The following FSTL5 variants were observed in gnomAD, a reference collection of about 807,000 sequenced individuals.
FSTL5 encodes the protein follistatin like 5, also known as follistatin-related protein 5.
FSTL5 carries 62 observed loss-of-function variants against 89.1 expected under a neutral mutation model. The observed-to-expected ratio is 0.70, with a 90% confidence interval of 0.57 to 0.86. The LOEUF (loss-of-function observed/expected upper bound fraction) is 0.86. FSTL5 is among the 40% of genes least tolerant of loss of function. The pLI is 0.00. For missense variants in FSTL5, 1,057 were observed against 1,001.6 expected (o/e 1.06, Z -0.75); for synonymous variants, 383 against 346.2 (o/e 1.11, Z -1.18).
At chr4:161,998,359 G>A (rs952486869) in intron 3 of FSTL5, among the ~76,000 whole-genome samples, 1 of 152,000 alleles carries the variant, frequency 6.6e-6, no homozygotes, top group African/African-American at 2.4e-5. Flanking sequence ...AAAAAAGATA[G>A]TACCCCTATC....
At chr4:161,843,270 A>C (rs1731267062) in intron 4 of FSTL5, among the ~76,000 whole-genome samples, 2 of 152,122 alleles carry the variant, frequency 1.3e-5, no homozygotes, top group Admixed American at 1.3e-4. Context: ...TTCCATATGA[A>C]ATTTAAAGTA....
chr4:161,512,215 C>T (rs4466004), intron 10 of FSTL5, among the ~76,000 whole-genome samples: 6 of 151,808 alleles, frequency 4.0e-5, no homozygotes, highest in South Asian at 2.1e-4. Flanking sequence ...AAAATAACAA[C>T]GCATGTGTTT....
intron 3 of FSTL5, among the ~76,000 whole-genome samples, chr4:161,937,165 C>T (rs1283476855): frequency 6.6e-6 from 1 of 151,842 alleles, no homozygotes; most frequent in Admixed American, 6.6e-5. Context: ...ATAACAAAAC[C>T]TGTAATTTAT....
At chr4:161,398,044 T>C (rs1731064189) in intron 15 of FSTL5, among the ~76,000 whole-genome samples, 1 of 152,030 alleles carries the variant, frequency 6.6e-6, no homozygotes. Flanking sequence ...TAATCTCTCA[T>C]ATAGTATTGG....
chr4:161,928,895 A>G (rs532895464), intron 3 of FSTL5, among the ~76,000 whole-genome samples: 1 of 151,718 alleles, frequency 6.6e-6, no homozygotes, highest in Non-Finnish European at 1.5e-5. Flanking sequence ...TTTAATTATA[A>G]TTAAGTCCAA....
chr4:161,543,295 G>A (rs970914555), intron 8 of FSTL5, among the ~76,000 whole-genome samples: 4 of 151,754 alleles, frequency 2.6e-5, no homozygotes, highest in Admixed American at 6.6e-5. Context: ...AAATAAATCC[G>A]AAGACACTTT....
At chr4:161,621,279 C>T (rs1015808461) in intron 7 of FSTL5, among the ~76,000 whole-genome samples, 4 of 149,702 alleles carry the variant, frequency 2.7e-5, no homozygotes, top group Non-Finnish European at 6.0e-5. Context: ...CACACACACA[C>T]ACACACACAC....
chr4:161,400,672 T>C (rs1224313577), intron 15 of FSTL5, among the ~76,000 whole-genome samples: 1 of 152,132 alleles, frequency 6.6e-6, no homozygotes, highest in Non-Finnish European at 1.5e-5. Context: ...AAATATTACA[T>C]ATAGAAACAT....
intron 15 of FSTL5, among the ~76,000 whole-genome samples, chr4:161,427,507 G>A (rs1732207024): frequency 6.6e-6 from 1 of 152,188 alleles, no homozygotes; most frequent in Non-Finnish European, 1.5e-5. Context: ...CTCTACGTCA[G>A]TCTAAGATGC....
intron 4 of FSTL5, among the ~76,000 whole-genome samples, chr4:161,911,238 G>A (rs1437588597): frequency 6.6e-6 from 1 of 151,984 alleles, no homozygotes; most frequent in African/African-American, 2.4e-5. Context: ...AGAACAATCT[G>A]TAATTCTCTT....
chr4:162,145,480 C>A (rs1333606718), intron 1 of FSTL5, among the ~76,000 whole-genome samples: 2 of 151,922 alleles, frequency 1.3e-5, no homozygotes. Context: ...TCTCGTTTTC[C>A]CTACATATGC....
At chr4:161,427,466 C>T (rs902343906) in intron 15 of FSTL5, among the ~76,000 whole-genome samples, 4 of 152,182 alleles carry the variant, frequency 2.6e-5, no homozygotes, top group Non-Finnish European at 5.9e-5. Context: ...GGCTCTGGAG[C>T]TTCCAACAGC....
chr4:161,735,553 T>G (rs1226972937), intron 6 of FSTL5, among the ~76,000 whole-genome samples: 1 of 152,222 alleles, frequency 6.6e-6, no homozygotes, highest in Non-Finnish European at 1.5e-5. Context: ...CATCTGATTC[T>G]TCTGAGATCA....
At chr4:161,641,459 T>C (rs755582099) in intron 7 of FSTL5, among the ~76,000 whole-genome samples, 13 of 151,582 alleles carry the variant, frequency 8.6e-5, no homozygotes, top group African/African-American at 1.5e-4. Context: ...ATTTTGTATG[T>C]GATTGAAGTT....
intron 10 of FSTL5, among the ~76,000 whole-genome samples, chr4:161,517,372 CTTAAT>C (rs1198387451): frequency 1.3e-5 from 2 of 152,180 alleles, no homozygotes; most frequent in Non-Finnish European, 2.9e-5. Flanking sequence ...TTATAAACCA[CTTAAT>C]TTAATATGTA....
intron 1 of FSTL5, among the ~76,000 whole-genome samples, chr4:162,137,346 A>G (rs777724191): frequency 6.6e-6 from 1 of 152,112 alleles, no homozygotes; most frequent in African/African-American, 2.4e-5. Context: ...TAGTCATCCA[A>G]TATGCCAGGA....
intron 10 of FSTL5, among the ~76,000 whole-genome samples, chr4:161,514,043 A>G (rs1007632313): frequency 6.6e-6 from 1 of 152,184 alleles, no homozygotes; most frequent in Non-Finnish European, 1.5e-5. Context: ...AGGACCGTCA[A>G]TATAATTTAA....
intron 3 of FSTL5, among the ~76,000 whole-genome samples, chr4:161,948,107 T>C (rs115361868): frequency 1.2e-4 from 18 of 150,504 alleles, no homozygotes. Context: ...CAAGACCCTG[T>C]CTCTACAGAA....
intron 2 of FSTL5, among the ~76,000 whole-genome samples, chr4:162,051,868 G>A (rs190345797): frequency 6.6e-6 from 1 of 151,362 alleles, no homozygotes; most frequent in African/African-American, 2.4e-5. Flanking sequence ...CATGAAACAA[G>A]AAAGGTTATA....
Sources: allele counts gnomAD v4.1 joint callset (sites outside exome capture counted in the v4.1 genomes callset), GRCh38; gene constraint gnomAD v4.1.1; transcripts MANE v1.5; gene names NCBI Gene and HGNC (gene_info 2026-07-23, HGNC 2026-07-21).